Variants in SMYD3 observed in about 807,000 individuals in gnomAD.
SMYD3 encodes histone-lysine N-methyltransferase SMYD3.
Under a neutral mutation model 57.7 loss-of-function variants are expected in SMYD3, and 36 were observed. That is an observed-to-expected ratio of 0.62 (90% CI 0.48 to 0.82). The LOEUF is 0.82. Among genes scored for constraint, SMYD3 ranks in the 40% least tolerant of loss-of-function variants. The pLI, the probability that SMYD3 is intolerant of heterozygous loss-of-function variation, is 0.00. For synonymous variants in SMYD3, 211 were observed against 195.0 expected (o/e 1.08, Z -0.68); for missense variants, 515 against 538.8 (o/e 0.96, Z 0.44).
chr1:246,475,128 C>T (rs188666678), intron 1 of SMYD3, among the ~76,000 whole-genome samples: 15 of 151,944 alleles, frequency 9.9e-5, no homozygotes, highest in Admixed American at 9.8e-4. Flanking sequence ...ACCACCCTGA[C>T]CAACATGGCA....
rs549163470 is a variant in SMYD3, at chr1:246,223,936, G to A, written c.531+103265C>T. Among the ~76,000 whole-genome samples, 51 of 152,164 alleles carry A rather than the reference G, an allele frequency of 3.4e-4. No individual in the cohort carries two copies. In the Middle Eastern group the frequency reaches 0.01, roughly 31 times the overall value. On this transcript the variant is annotated intron_variant, in intron 5 of 11. Coordinates refer to ENST00000490107, the MANE Select transcript of SMYD3 (RefSeq NM_001167740.2). ...TTGGCTTATTTTCAAAATCAGCTTC[G>A]TTTATAAACTAAAAAGAACTGAAGG...
chr1:246,229,435 C>T (rs1432411286), intron 5 of SMYD3, among the ~76,000 whole-genome samples: 1 of 152,110 alleles, frequency 6.6e-6, no homozygotes, highest in Admixed American at 6.5e-5. Context: ...TTACTTAATC[C>T]TATTGAAATT....
At chr1:246,169,568 A>G (rs542980194) in intron 5 of SMYD3, among the ~76,000 whole-genome samples, 3 of 152,200 alleles carry the variant, frequency 2.0e-5, no homozygotes, top group Non-Finnish European at 4.4e-5. Flanking sequence ...TCCAGGCAGA[A>G]TAACAATGGA....
intron 8 of SMYD3, among the ~76,000 whole-genome samples, chr1:245,874,595 C>T (rs2052389851): frequency 6.6e-6 from 1 of 152,200 alleles, no homozygotes; most frequent in Non-Finnish European, 1.5e-5. Context: ...GTTCTACAAA[C>T]ACTTCATAAG....
At chr1:245,947,291 A>G in intron 5 of SMYD3, 1 of 439,292 alleles carries the variant, frequency 2.3e-6, no homozygotes. Flanking sequence ...AGAAACAGAA[A>G]ATGAAGCCTT....
At chr1:245,909,738 A>G (rs951955495) in intron 8 of SMYD3, among the ~76,000 whole-genome samples, 9 of 152,182 alleles carry the variant, frequency 5.9e-5, no homozygotes. Flanking sequence ...AGATGTTGAA[A>G]AAAACTTTCA....
intron 5 of SMYD3, among the ~76,000 whole-genome samples, chr1:246,064,271 G>A (rs1304249212): frequency 1.3e-5 from 2 of 152,136 alleles, no homozygotes; most frequent in African/African-American, 4.8e-5. Flanking sequence ...CGAGCATAGT[G>A]GAAAACAGGG....
chr1:245,757,762 C>G (rs942313158), intron 11 of SMYD3, among the ~76,000 whole-genome samples: 1 of 152,104 alleles, frequency 6.6e-6, no homozygotes, highest in African/African-American at 2.4e-5. Context: ...TCTGGGCTCT[C>G]TATTCTATTC....
intron 5 of SMYD3, among the ~76,000 whole-genome samples, chr1:246,019,909 GC>G (rs2059441518): frequency 6.6e-6 from 1 of 152,164 alleles, no homozygotes; most frequent in Non-Finnish European, 1.5e-5. Flanking sequence ...ATGGCATGAA[GC>G]AATTTAACAA....
intron 5 of SMYD3, among the ~76,000 whole-genome samples, chr1:246,134,554 T>C (rs2061638469): frequency 6.6e-6 from 1 of 152,216 alleles, no homozygotes; most frequent in Admixed American, 6.5e-5. Context: ...TGAAATAATA[T>C]GCAAATTTTA....
rs545097894 is a variant in SMYD3 at position 246,339,997 on chromosome 1, T to C, written c.229-4523A>G. Reference sequence around the variant, plus strand: ...GACCCAGTCTGCGGCACTCTGTTAATAGCAGCACAAAAACAGATCAAGACA... The same window carrying C: ...GACCCAGTCTGCGGCACTCTGTTAACAGCAGCACAAAAACAGATCAAGACA... On this transcript the variant is annotated intron_variant, in intron 2 of 11. Transcript: ENST00000490107. Among the ~76,000 whole-genome samples, 32 of 151,756 alleles carry C rather than the reference T, an allele frequency of 2.1e-4. No homozygotes were observed. In the South Asian group the frequency reaches 5.8e-3, roughly 28 times the overall value.
intron 5 of SMYD3, among the ~76,000 whole-genome samples, chr1:246,167,498 T>C (rs74946725): frequency 0.071 from 10,724 of 151,606 alleles, 535 homozygotes; most frequent in African/African-American, 0.13. Context: ...GGCACCTCAT[T>C]ACGGTTTTTT....
chr1:245,915,280 C>T (rs1028029937), intron 8 of SMYD3, among the ~76,000 whole-genome samples: 2 of 152,156 alleles, frequency 1.3e-5, no homozygotes, highest in African/African-American at 2.4e-5. Flanking sequence ...ATATTTAATG[C>T]CTACATTCCC....
At chr1:246,499,182 T>C (rs1368699561) in intron 1 of SMYD3, among the ~76,000 whole-genome samples, 2 of 149,664 alleles carry the variant, frequency 1.3e-5, no homozygotes, top group South Asian at 2.1e-4. Flanking sequence ...CACGGGCCTA[T>C]AGTCCCAGCT....
intron 10 of SMYD3, among the ~76,000 whole-genome samples, chr1:245,831,257 G>A (rs1046442806): frequency 6.6e-6 from 1 of 152,158 alleles, no homozygotes; most frequent in African/African-American, 2.4e-5. Context: ...CGATGAGCTG[G>A]CTAAAATGTA....
At chr1:246,209,998 G>T (rs568330514) in intron 5 of SMYD3, among the ~76,000 whole-genome samples, 1 of 152,168 alleles carries the variant, frequency 6.6e-6, no homozygotes, top group South Asian at 2.1e-4. Context: ...CTAATTCTTC[G>T]ACTTCAGTAT....
At chr1:246,321,708 T>C (rs2148651585) in intron 5 of SMYD3, 1 of 152,268 alleles carries the variant, frequency 6.6e-6, no homozygotes, top group East Asian at 1.9e-4. Flanking sequence ...GTAGCAAATG[T>C]TTCGGACCCA....
At chr1:246,308,275 TAG>T (rs1391259392) in intron 5 of SMYD3, among the ~76,000 whole-genome samples, 32 of 152,216 alleles carry the variant, frequency 2.1e-4, no homozygotes, top group African/African-American at 7.7e-4. Context: ...GTGCTGTGAA[TAG>T]AGTCAGTACA....
chr1:246,480,655 T>C (rs1460794911), intron 1 of SMYD3, among the ~76,000 whole-genome samples: 1 of 152,102 alleles, frequency 6.6e-6, no homozygotes, highest in African/African-American at 2.4e-5. Context: ...ACAGCAAAAA[T>C]AATTTTTACC....
Sources: allele counts gnomAD v4.1 joint callset (sites outside exome capture counted in the v4.1 genomes callset), GRCh38; gene constraint gnomAD v4.1.1; transcripts MANE v1.5; gene names NCBI Gene and HGNC (gene_info 2026-07-23, HGNC 2026-07-21).